DLGAP2: variants seen among roughly 807,000 people sequenced by gnomAD.
DLGAP2 encodes DLG associated protein 2, also known as disks large-associated protein 2.
A neutral mutation model predicts 100.3 loss-of-function variants in DLGAP2; 26 were observed. The observed-to-expected ratio is 0.26, with a 90% CI of 0.19 to 0.36. The LOEUF (loss-of-function observed/expected upper bound fraction) is 0.36, where lower values mean the gene tolerates loss of function less well. Ranked by LOEUF, DLGAP2 falls within the 10% of genes least tolerant of loss-of-function variation. The pLI is 1.00. For missense variants in DLGAP2, 1,858 were observed against 1,453.2 expected (o/e 1.28, Z -4.53); for synonymous variants, 886 against 630.1 (o/e 1.41, Z -6.08).
At chr8:1,456,754 G>C in intron 3 of DLGAP2, among the ~76,000 whole-genome samples, 1 of 149,788 alleles carries the variant, frequency 6.7e-6, no homozygotes, top group Non-Finnish European at 1.5e-5. Flanking sequence ...TCAGCAGGCT[G>C]TGCCAGGCTG....
intron 4 of DLGAP2, among the ~76,000 whole-genome samples, chr8:1,534,427 AATAAG>A (rs1335394426): frequency 1.3e-5 from 2 of 152,250 alleles, no homozygotes; most frequent in Non-Finnish European, 2.9e-5. Flanking sequence ...TTTGCCTATA[AATAAG>A]ATGTCATTTG....
chr8:1,545,203 C>T (rs939806190), intron 4 of DLGAP2, among the ~76,000 whole-genome samples: 10 of 152,038 alleles, frequency 6.6e-5, no homozygotes, highest in East Asian at 1.9e-4. Context: ...TGAGAGGGAT[C>T]GGTGTTAATT....
intron 10 of DLGAP2, among the ~76,000 whole-genome samples, chr8:1,670,385 A>G (rs1486559050): frequency 1.3e-5 from 2 of 152,112 alleles, no homozygotes; most frequent in Admixed American, 1.3e-4. Flanking sequence ...CTGGCATGGC[A>G]GCCTCTGCTG....
chr8:1,122,771 CTTTT>C (rs1796080525), intron 2 of DLGAP2, among the ~76,000 whole-genome samples: 1 of 143,586 alleles, frequency 7.0e-6, no homozygotes, highest in Non-Finnish European at 1.5e-5. Context: ...TTTTTTTTTT[CTTTT>C]CTGGAAGCTG....
intron 8 of DLGAP2, among the ~76,000 whole-genome samples, chr8:1,666,531 T>A (rs1585045786): frequency 6.6e-6 from 1 of 151,792 alleles, no homozygotes; most frequent in East Asian, 1.9e-4. Flanking sequence ...AAATACAAAA[T>A]TTAGCCAGGT....
intron 4 of DLGAP2, among the ~76,000 whole-genome samples, chr8:1,506,589 G>T (rs1056898180): frequency 5.3e-5 from 8 of 152,156 alleles, no homozygotes; most frequent in Non-Finnish European, 7.3e-5. Context: ...CATCCACACT[G>T]CCCAAGACGA....
At position 965,354 on chromosome 8, in the gene DLGAP2, C is replaced by T. The variant is rs377121464; in HGVS notation, c.73+57388C>T. Among the ~76,000 whole-genome samples the T allele has an allele frequency of 2.9e-3, 268 of 91,754 alleles. No individual in the cohort carries two copies. In the East Asian group the frequency reaches 0.038, roughly 13 times the overall value. The allele number at this position is 91,754 out of a possible 152,430, so 60.2% of individuals were successfully genotyped here. On this transcript the variant is annotated intron_variant, in intron 2 of 14. Coordinates refer to ENST00000637795, the MANE Select transcript of DLGAP2 (RefSeq NM_001346810.2). ...ACGGCACTGTTCACCACACAGGGCT[C>T]CTGAGTCTGACCCCTGCGCTGTACA...
At chr8:1,654,270 C>A (rs895954335) in intron 8 of DLGAP2, among the ~76,000 whole-genome samples, 2 of 152,208 alleles carry the variant, frequency 1.3e-5, no homozygotes, top group Non-Finnish European at 2.9e-5. Context: ...AAAAAACAGG[C>A]CCACCAGCAT....
intron 2 of DLGAP2, among the ~76,000 whole-genome samples, chr8:1,227,555 A>G (rs1376790): frequency 0.22 from 33,068 of 151,148 alleles, 4,282 homozygotes; most frequent in East Asian, 0.56. Context: ...GTGCAGTGGC[A>G]CAATCCTGGC....
intron 3 of DLGAP2, among the ~76,000 whole-genome samples, chr8:1,371,340 T>C (rs1053786908): frequency 6.6e-6 from 1 of 152,210 alleles, no homozygotes; most frequent in East Asian, 1.9e-4. Flanking sequence ...TGCTGTATCC[T>C]CGTGGATGGC....
intron 2 of DLGAP2, among the ~76,000 whole-genome samples, chr8:1,051,093 C>T (rs1190053766): frequency 9.7e-6 from 1 of 102,816 alleles, no homozygotes; most frequent in Admixed American, 1.1e-4. Context: ...TTTTTGTGGG[C>T]AGGGGGTCAT....
intron 2 of DLGAP2, among the ~76,000 whole-genome samples, chr8:1,145,780 T>G (rs9774355): frequency 2.4e-5 from 3 of 123,862 alleles, no homozygotes; most frequent in Admixed American, 1.8e-4. Flanking sequence ...CACCCCACAA[T>G]AGTCCCCAGA....
At chr8:913,314 A>G (rs1389187904) in intron 2 of DLGAP2, among the ~76,000 whole-genome samples, 1 of 152,172 alleles carries the variant, frequency 6.6e-6, no homozygotes, top group Non-Finnish European at 1.5e-5. Flanking sequence ...TAAATCCCCT[A>G]GATTTCTTGG....
chr8:1,167,010 C>T (rs995940166), intron 2 of DLGAP2, among the ~76,000 whole-genome samples: 3 of 152,120 alleles, frequency 2.0e-5, no homozygotes, highest in African/African-American at 7.2e-5. Flanking sequence ...GTGGCATGCA[C>T]CTGTAGTCCC....
At chr8:1,280,419 C>G (rs894844646) in intron 3 of DLGAP2, among the ~76,000 whole-genome samples, 2 of 152,164 alleles carry the variant, frequency 1.3e-5, no homozygotes, top group Admixed American at 6.6e-5. Context: ...TAATAAATAT[C>G]TACTGATTTT....
chr8:1,011,821 A>C (rs1801299004), intron 2 of DLGAP2, among the ~76,000 whole-genome samples: 1 of 152,170 alleles, frequency 6.6e-6, no homozygotes, highest in Non-Finnish European at 1.5e-5. Flanking sequence ...CAGTCTGCAC[A>C]GTGGGCCCTG....
chr8:1,073,909 C>T (rs968323216), intron 2 of DLGAP2, among the ~76,000 whole-genome samples: 5 of 152,170 alleles, frequency 3.3e-5, no homozygotes, highest in South Asian at 2.1e-4. Flanking sequence ...CACCCGGCTG[C>T]GTATTCAGGA....
At chr8:1,283,499 G>T (rs767605010) in intron 3 of DLGAP2, among the ~76,000 whole-genome samples, 22 of 152,224 alleles carry the variant, frequency 1.4e-4, no homozygotes, top group Non-Finnish European at 3.1e-4. Flanking sequence ...CTGAAAAGAT[G>T]AATCACTTTA....
chr8:1,238,517 C>G (rs1381194499), intron 2 of DLGAP2, among the ~76,000 whole-genome samples: 1 of 130,016 alleles, frequency 7.7e-6, no homozygotes, highest in African/African-American at 2.8e-5. Context: ...CTAGTTCTCT[C>G]ACATGGCGCC....
Sources: allele counts gnomAD v4.1 joint callset (sites outside exome capture counted in the v4.1 genomes callset), GRCh38; gene constraint gnomAD v4.1.1; transcripts MANE v1.5; gene names NCBI Gene and HGNC (gene_info 2026-07-23, HGNC 2026-07-21).